FTO: variants seen among roughly 807,000 people sequenced by gnomAD.
FTO encodes alpha-ketoglutarate-dependent dioxygenase FTO.
FTO carries 47 observed loss-of-function variants against 63.9 expected under a neutral mutation model. The ratio of observed to expected loss-of-function variants is 0.74; its 90% CI spans 0.58 to 0.94. FTO has a LOEUF of 0.94. Among genes scored for constraint, FTO ranks in the 40% least tolerant of loss-of-function variants. FTO has a pLI of 0.00. For synonymous variants in FTO, 207 were observed against 224.4 expected (o/e 0.92, Z 0.69); for missense variants, 562 against 618.1 (o/e 0.91, Z 0.96).
chr16:53,735,878 C>T (rs1185188408), intron 1 of FTO, among the ~76,000 whole-genome samples: 1 of 152,002 alleles, frequency 6.6e-6, no homozygotes, highest in African/African-American at 2.4e-5. Flanking sequence ...CTTCTATCTT[C>T]AGTCACCAAG....
chr16:53,708,191 C>A (rs956822709), intron 1 of FTO, among the ~76,000 whole-genome samples: 6 of 152,084 alleles, frequency 3.9e-5, no homozygotes, highest in Admixed American at 1.3e-4. Flanking sequence ...CATGGTGAAA[C>A]CCTGTCTCTA....
At chr16:53,864,036 A>G (rs765398929) in intron 4 of FTO, among the ~76,000 whole-genome samples, 13 of 152,200 alleles carry the variant, frequency 8.5e-5, no homozygotes, top group Non-Finnish European at 1.2e-4. Context: ...GCCTGTGTCT[A>G]TACTGGCATC....
At chr16:53,831,458 G>GT (rs368613587) in intron 3 of FTO, among the ~76,000 whole-genome samples, 8 of 151,680 alleles carry the variant, frequency 5.3e-5, no homozygotes, top group Non-Finnish European at 1.2e-4. Flanking sequence ...AAGACCAAAG[G>GT]GGGGGAAAAA....
intron 1 of FTO, among the ~76,000 whole-genome samples, chr16:53,715,691 T>A (rs1598475557): frequency 6.6e-6 from 1 of 152,328 alleles, no homozygotes; most frequent in East Asian, 1.9e-4. Context: ...AAAAACTGAT[T>A]TCTATCTTCC....
chr16:54,100,931 C>G (rs1357241289), intron 8 of FTO, among the ~76,000 whole-genome samples: 1 of 152,026 alleles, frequency 6.6e-6, no homozygotes, highest in Non-Finnish European at 1.5e-5. Flanking sequence ...TCCTCTGGAC[C>G]CCTGAAGAAA....
At chr16:53,807,249 A>G in intron 1 of FTO, among the ~76,000 whole-genome samples, 1 of 152,208 alleles carries the variant, frequency 6.6e-6, no homozygotes, top group East Asian at 1.9e-4. Flanking sequence ...CTCTGCTGTC[A>G]TGTAGATACA....
intron 2 of FTO, among the ~76,000 whole-genome samples, chr16:53,812,118 C>G (rs1242810031): frequency 6.6e-6 from 1 of 152,058 alleles, no homozygotes; most frequent in Non-Finnish European, 1.5e-5. Flanking sequence ...CAGCCTGTCT[C>G]TTGTTTCCTT....
intron 1 of FTO, among the ~76,000 whole-genome samples, chr16:53,767,705 G>A (rs1045794907): frequency 1.3e-4 from 19 of 151,866 alleles, no homozygotes; most frequent in African/African-American, 4.6e-4. Flanking sequence ...GTGATATGAT[G>A]CATTCAACTT....
intron 7 of FTO, 59 bp from the exon 8 acceptor site, chr16:53,933,926 C>CT (rs536771329): frequency 1.9e-5 from 29 of 1,542,924 alleles, no homozygotes; most frequent in East Asian, 7.0e-5. Context: ...TGCTTATGGG[C>CT]TTTTTTTTAT....
intron 1 of FTO, among the ~76,000 whole-genome samples, chr16:53,709,431 A>T (rs551841404): frequency 6.6e-6 from 1 of 152,258 alleles, no homozygotes; most frequent in East Asian, 1.9e-4. Context: ...GGGATAGGGG[A>T]TTCATACCCC....
At chr16:53,948,059 C>T (rs1182230227) in intron 8 of FTO, among the ~76,000 whole-genome samples, 4 of 152,080 alleles carry the variant, frequency 2.6e-5, no homozygotes, top group Non-Finnish European at 5.9e-5. Context: ...GTTGAGAACT[C>T]GCCATTGTAA....
At chr16:53,827,290 A>G (rs2079032492) in intron 3 of FTO, among the ~76,000 whole-genome samples, 8 of 152,200 alleles carry the variant, frequency 5.3e-5, no homozygotes, top group Admixed American at 5.2e-4. Flanking sequence ...TAGAATTACA[A>G]AAATGGTAGT....
chr16:54,079,905 T>C (rs1470148084), intron 8 of FTO, among the ~76,000 whole-genome samples: 1 of 152,160 alleles, frequency 6.6e-6, no homozygotes, highest in Non-Finnish European at 1.5e-5. Context: ...AATTCACATT[T>C]TTTAAATATT....
chr16:54,091,064 A>G (rs1251720548), intron 8 of FTO, among the ~76,000 whole-genome samples: 1 of 152,124 alleles, frequency 6.6e-6, no homozygotes, highest in Non-Finnish European at 1.5e-5. Context: ...TCTGTTGTTG[A>G]AAGCAAGTCA....
At chr16:53,724,677 A>G (rs1261651286) in intron 1 of FTO, among the ~76,000 whole-genome samples, 2 of 152,266 alleles carry the variant, frequency 1.3e-5, no homozygotes, top group East Asian at 3.9e-4. Flanking sequence ...TCCCCCCAGT[A>G]AGATATTTGA....
chr16:53,968,484 T>C (rs1198612535), intron 8 of FTO, among the ~76,000 whole-genome samples: 1 of 152,180 alleles, frequency 6.6e-6, no homozygotes, highest in Non-Finnish European at 1.5e-5. Context: ...AAATACACCA[T>C]CTAAAATCAG....
chr16:53,906,911 T>G (rs2081552933), intron 7 of FTO, among the ~76,000 whole-genome samples: 1 of 152,152 alleles, frequency 6.6e-6, no homozygotes, highest in African/African-American at 2.4e-5. Context: ...AGGTACCCTG[T>G]GGGAGAACTC....
At chr16:53,979,617 G>C in intron 8 of FTO, 1 of 388,974 alleles carries the variant, frequency 2.6e-6, no homozygotes, top group Non-Finnish European at 4.5e-6. Context: ...TCCTTTTGTG[G>C]CGTACATGTT....
At chr16:53,812,051 G>A (rs1302441253) in intron 2 of FTO, among the ~76,000 whole-genome samples, 1 of 151,920 alleles carries the variant, frequency 6.6e-6, no homozygotes, top group Non-Finnish European at 1.5e-5. Flanking sequence ...GAGCTCAAGC[G>A]ATCCACACAC....
Sources: gnomAD v4.1 joint callset for allele counts (sites outside exome capture counted in the v4.1 genomes callset) on GRCh38, gnomAD v4.1.1 for gene constraint, MANE v1.5 for transcripts, NCBI Gene and HGNC (gene_info 2026-07-23, HGNC 2026-07-21) for gene names.